The following AURKA variants were observed in gnomAD, a reference collection of about 807,000 sequenced individuals.
AURKA encodes the protein aurora kinase A.
A neutral mutation model predicts 40.9 loss-of-function variants in AURKA; 12 were observed. The observed-to-expected ratio is 0.29, with a 90% CI of 0.19 to 0.48. AURKA has a LOEUF of 0.48. Among genes scored for constraint, AURKA ranks in the 20% least tolerant of loss-of-function variants. The pLI, the probability that AURKA is intolerant of heterozygous loss-of-function variation, is 0.99. For missense variants in AURKA, 322 were observed against 462.1 expected (o/e 0.70, Z 2.78); for synonymous variants, 170 against 164.3 (o/e 1.03, Z -0.26).
intron 8 of AURKA, 36 bp from the exon 9 acceptor site, chr20:56,370,376 C>G (rs201464392): frequency 7.9e-5 from 127 of 1,613,880 alleles, no homozygotes; most frequent in Non-Finnish European, 1.1e-4. Flanking sequence ...TCACAAAACA[C>G]AGGTTAGAGA....
intron 7 of AURKA, among the ~76,000 whole-genome samples, chr20:56,372,193 G>A (rs1984337245): frequency 6.6e-6 from 1 of 152,148 alleles, no homozygotes; most frequent in Non-Finnish European, 1.5e-5. Context: ...GCCAGGCCTG[G>A]CACCCACTGA....
rs989473631 is a variant in AURKA at position 56,380,172 on chromosome 20, T to C, written c.705+1261A>G. ...GAGTTCAAGACCAGCCTGGCCAATA[T>C]GGTGAAACCCCGTCTCTACTAAAAA... On this transcript the variant is annotated intron_variant, in intron 6 of 8. Transcript: ENST00000395915. 1.1e-4 allele frequency among the ~76,000 whole-genome samples: 17 copies of C among 151,634 alleles called. No individual in the cohort carries two copies. The South Asian group carries it at 1.2e-3, about 11-fold the overall frequency.
At chr20:56,375,932 G>C (rs1308261576) in intron 6 of AURKA, among the ~76,000 whole-genome samples, 1 of 152,216 alleles carries the variant, frequency 6.6e-6, no homozygotes, top group Non-Finnish European at 1.5e-5. Context: ...CATCTGAAAA[G>C]GAAAACAGGT....
At chr20:56,390,900 G>A (rs1987015677) in intron 1 of AURKA, among the ~76,000 whole-genome samples, 1 of 152,128 alleles carries the variant, frequency 6.6e-6, no homozygotes, top group Admixed American at 6.6e-5. Context: ...AGATCACATA[G>A]GCCTAACAAC....
chr20:56,383,414 A>C (rs1306002336), intron 4 of AURKA, among the ~76,000 whole-genome samples: 1 of 152,282 alleles, frequency 6.6e-6, no homozygotes, highest in Middle Eastern at 3.4e-3. Context: ...CGGGTTTTAG[A>C]CCTGAAGCAC....
rs10716404 is a variant in AURKA, at chr20:56,372,533, T to TAAA, written c.854+872_854+874dup. The stretch of plus-strand genomic sequence containing the variant: ...CAGCTCCCACTAATGACAACCAGTT[T>TAAA]AAAAAAAAAAAAAAAAAAAAAGACT... On this transcript the variant is annotated intron_variant, in intron 7 of 8. Coordinates refer to ENST00000395915, the MANE Select transcript of AURKA (RefSeq NM_198437.3). Among the ~76,000 whole-genome samples, 112 of 121,636 alleles carry TAAA rather than the reference T, an allele frequency of 9.2e-4. 1 individual carries two copies. The highest frequency in any genetic ancestry group is 4.3e-3 in the Middle Eastern group (1 of 234). 79.8% of individuals were successfully genotyped at this position (121,636 alleles called of 152,430 possible).
intron 6 of AURKA, among the ~76,000 whole-genome samples, chr20:56,374,949 G>A (rs904024348): frequency 3.3e-5 from 5 of 152,156 alleles, no homozygotes; most frequent in African/African-American, 1.2e-4. Context: ...TCGGGAGGCT[G>A]AGGCAGGAGA....
intron 5 of AURKA, 65 bp from the exon 6 acceptor site, chr20:56,381,636 TCAAA>T: frequency 9.4e-6 from 15 of 1,591,054 alleles, no homozygotes; most frequent in African/African-American, 1.3e-5. Flanking sequence ...GTACAAAATG[TCAAA>T]CAAACTCTTC....
chr20:56,370,713 A>G, intron 7 of AURKA, 54 bp from the exon 8 acceptor site: 3 of 1,595,908 alleles, frequency 1.9e-6, no homozygotes, highest in Non-Finnish European at 2.6e-6. Flanking sequence ...TGATCACAAC[A>G]GCTGCTAACA....
At chr20:56,381,871 A>T (rs1428527858) in intron 5 of AURKA, among the ~76,000 whole-genome samples, 1 of 152,172 alleles carries the variant, frequency 6.6e-6, no homozygotes, top group Admixed American at 6.5e-5. Context: ...TCTACATATT[A>T]AAAAAAGGAC....
chr20:56,390,932 C>G lies in AURKA; in HGVS notation c.-6+1236G>C, dbSNP rs1468056. On this transcript the variant is annotated intron_variant, in intron 1 of 8. Coordinates refer to ENST00000395915, the MANE Select transcript of AURKA (RefSeq NM_198437.3). Reference sequence around the variant, plus strand: ...CAACATTTATTCAACATTCTTCTGACAGAAGCTACAGGCATTTGCTCCAAT... The same window carrying G: ...CAACATTTATTCAACATTCTTCTGAGAGAAGCTACAGGCATTTGCTCCAAT... Among the ~76,000 whole-genome samples the G allele has an allele frequency of 0.6, 91,961 of 152,052 alleles. 30,033 individuals carry two copies. Among genetic ancestry groups the G allele is most frequent in the East Asian group, 0.89 (4,575 of 5,162 alleles).
In AURKA at chr20:56,373,990, A is replaced by C. The variant is rs1984600877; in HGVS notation, c.706-434T>G. Among the ~76,000 whole-genome samples the C allele has an allele frequency of 6.6e-6, 1 of 150,822 alleles. No homozygotes were observed. Among genetic ancestry groups the C allele is most frequent in the Non-Finnish European group, 1.5e-5 (1 of 67,918 alleles). On this transcript the variant is annotated intron_variant, in intron 6 of 8. Coordinates refer to ENST00000395915, the MANE Select transcript of AURKA (RefSeq NM_198437.3). This position sits in a 1 kb window ranked among gnomAD's most constrained non-coding sequence, Gnocchi z 5.0. Reference sequence around the variant, plus strand: ...AATACATTTTGCAGGTTTTAAAGCAAGGATTGTAGAAATTATATAGGAGTC... The same window carrying C: ...AATACATTTTGCAGGTTTTAAAGCACGGATTGTAGAAATTATATAGGAGTC...
intron 2 of AURKA, among the ~76,000 whole-genome samples, chr20:56,387,109 A>C (rs1986466078): frequency 6.6e-6 from 1 of 152,162 alleles, no homozygotes; most frequent in African/African-American, 2.4e-5. Flanking sequence ...AAACTGACAA[A>C]GAGGAAACAA....
At chr20:56,388,082 G>T in intron 2 of AURKA, 74 bp downstream of exon 2, 1 of 90,134 alleles carries the variant, frequency 1.1e-5, no homozygotes. Flanking sequence ...AGTAAAGGCG[G>T]AAAGAATTCC....
intron 1 of AURKA, among the ~76,000 whole-genome samples, chr20:56,389,176 G>A (rs1284372787): frequency 6.6e-6 from 1 of 152,124 alleles, no homozygotes; most frequent in African/African-American, 2.4e-5. Flanking sequence ...ATTTTTGCCA[G>A]ATCAAGGGTC....
At chr20:56,389,849 T>C (rs1440145064) in intron 1 of AURKA, among the ~76,000 whole-genome samples, 1 of 152,214 alleles carries the variant, frequency 6.6e-6, no homozygotes. Context: ...TCCACCAGCA[T>C]ATTCTGTAGG....
At chr20:56,392,077 C>T (rs1302721980) in intron 1 of AURKA, 91 bp downstream of exon 1, 1 of 152,262 alleles carries the variant, frequency 6.6e-6, no homozygotes, top group Admixed American at 6.5e-5. Flanking sequence ...GGACTTGACG[C>T]TCCGCCACTC....
At chr20:56,390,331 G>C (rs1023500430) in intron 1 of AURKA, among the ~76,000 whole-genome samples, 5 of 144,660 alleles carry the variant, frequency 3.5e-5, no homozygotes, top group African/African-American at 1.0e-4. Context: ...TTTTGAGATA[G>C]AGTTTGCTCT....
chr20:56,378,003 A>T (rs1488506213), intron 6 of AURKA, among the ~76,000 whole-genome samples: 5 of 152,020 alleles, frequency 3.3e-5, no homozygotes, highest in African/African-American at 7.3e-5. Context: ...TTGTCTCTAC[A>T]AAAAAATACA....
Sources: allele counts gnomAD v4.1 joint callset (sites outside exome capture counted in the v4.1 genomes callset), GRCh38; gene constraint gnomAD v4.1.1; non-coding constraint Gnocchi (gnomAD v3.1); transcripts MANE v1.5; gene names NCBI Gene and HGNC (gene_info 2026-07-23, HGNC 2026-07-21).